Variants in PITPNB observed in about 807,000 individuals in gnomAD.
PITPNB encodes phosphatidylinositol transfer protein beta isoform.
A neutral mutation model predicts 45.9 loss-of-function variants in PITPNB; 16 were observed. That is an observed-to-expected ratio of 0.35 (90% CI 0.24 to 0.53). The LOEUF (loss-of-function observed/expected upper bound fraction) is 0.53. Ranked by LOEUF, PITPNB falls within the 20% of genes least tolerant of loss-of-function variation. PITPNB has a pLI of 0.93. For synonymous variants in PITPNB, 112 were observed against 108.9 expected (o/e 1.03, Z -0.18); for missense variants, 188 against 330.5 (o/e 0.57, Z 3.34).
intron 8 of PITPNB, among the ~76,000 whole-genome samples, chr22:27,868,924 T>C (rs1038840529): frequency 1.3e-5 from 2 of 152,084 alleles, no homozygotes; most frequent in Non-Finnish European, 2.9e-5. Flanking sequence ...CTTCAAGAGG[T>C]GTCTGGCTTA....
chr22:27,913,009 G>C (rs960334839), intron 2 of PITPNB, among the ~76,000 whole-genome samples: 17 of 150,484 alleles, frequency 1.1e-4, no homozygotes, highest in East Asian at 3.9e-4. Context: ...AAAAAGGTGG[G>C]GGGGGGAGTA....
At chr22:27,897,257 A>G in intron 4 of PITPNB, 120 bp from the exon 5 acceptor site, 2 of 771,454 alleles carry the variant, frequency 2.6e-6, no homozygotes, top group Non-Finnish European at 4.7e-6. Flanking sequence ...AAAACAGAAC[A>G]TTTATTTAGT....
chr22:27,909,207 C>CTTTTTTTTTTTTTTTTTTTTTTT (rs34224616), intron 3 of PITPNB, among the ~76,000 whole-genome samples: 60 of 82,242 alleles, frequency 7.3e-4, no homozygotes, highest in Middle Eastern at 7.6e-3. Flanking sequence ...ACTGGTAGTA[C>CTTTTTTTTTTTTTTTTTTTTTTT]TTTTTTTTTT....
chr22:27,902,249 G>A (rs1165138453), intron 3 of PITPNB, among the ~76,000 whole-genome samples: 3 of 152,070 alleles, frequency 2.0e-5, no homozygotes, highest in Non-Finnish European at 4.4e-5. Flanking sequence ...AGAGGGAACA[G>A]CATGACTACA....
At chr22:27,894,387 T>G (rs1050694742) in intron 7 of PITPNB, 168 bp downstream of exon 7, 1 of 511,946 alleles carries the variant, frequency 2.0e-6, no homozygotes. Flanking sequence ...CTGGTCTCTT[T>G]GCTGCACAGA....
chr22:27,855,377 AAAGGAGGGAGAATGAAAGGGAGAAAAGGC>A (rs1450328295), intron 10 of PITPNB, among the ~76,000 whole-genome samples: 24 of 152,048 alleles, frequency 1.6e-4, no homozygotes, highest in Non-Finnish European at 2.5e-4. Flanking sequence ...AAGTTTACTG[AAAGGAGGGAGAATGAAAGGGAGAAAAGGC>A]AAGGAGGGAG....
In PITPNB at chr22:27,858,494, A is replaced by G; in HGVS notation, c.661T>C (p.Phe221Leu). 1.9e-6 allele frequency: 3 copies of G among 1,610,600 alleles called. No homozygotes were observed. Among genetic ancestry groups the G allele is most frequent in the Non-Finnish European group, 2.5e-6 (3 of 1,178,888 alleles). The change falls in exon 10 of 12, where the codon TTT (phenylalanine) becomes CTT (leucine). Residue 221 changes from phenylalanine (F) to leucine (L), a missense_variant. By Grantham distance (22) the Phe-to-Leu change is conservative. Coordinates refer to ENST00000335272, the MANE Select transcript of PITPNB (RefSeq NM_012399.5). ...AAAAGCTGGCGATGGAAGTTTGTAA[A>G]TATCCGTTTTTCTTGCTTTTAAAAC... Reference protein sequence around the residue: ...NFIQKQEKRIFTNFHRQLFCW... With the variant: ...NFIQKQEKRILTNFHRQLFCW...
intron 2 of PITPNB, among the ~76,000 whole-genome samples, chr22:27,912,911 A>C (rs1935970056): frequency 7.4e-6 from 1 of 134,720 alleles, no homozygotes; most frequent in Non-Finnish European, 1.5e-5. Context: ...TGAACCCAGG[A>C]GGCGGAGGTT....
At chr22:27,904,322 G>A (rs1935695908) in intron 3 of PITPNB, among the ~76,000 whole-genome samples, 1 of 152,230 alleles carries the variant, frequency 6.6e-6, no homozygotes, top group Non-Finnish European at 1.5e-5. Context: ...AGTGATACAT[G>A]CTTTAACACA....
intron 7 of PITPNB, 110 bp from the exon 8 acceptor site, chr22:27,873,925 A>G (rs1934743581): frequency 1.4e-6 from 1 of 704,810 alleles, no homozygotes; most frequent in Non-Finnish European, 2.6e-6. Flanking sequence ...AATCAATTAG[A>G]CTCACTGTGC....
At chr22:27,917,410 T>A (rs1356935570) in intron 1 of PITPNB, among the ~76,000 whole-genome samples, 2 of 152,218 alleles carry the variant, frequency 1.3e-5, no homozygotes, top group South Asian at 4.1e-4. Flanking sequence ...TTGGTCCAAG[T>A]CAATTTCCTT....
chr22:27,907,471 CCT>C (rs879874675), intron 3 of PITPNB, among the ~76,000 whole-genome samples: 1 of 152,122 alleles, frequency 6.6e-6, no homozygotes, highest in Non-Finnish European at 1.5e-5. Context: ...GCAAATGGGC[CCT>C]GTTTTGCCCA....
chr22:27,876,646 TTTTC>T, intron 7 of PITPNB, among the ~76,000 whole-genome samples: 1 of 152,340 alleles, frequency 6.6e-6, no homozygotes, highest in South Asian at 2.1e-4. Flanking sequence ...TTGAACAGTA[TTTTC>T]TTTGCTACAT....
chr22:27,917,213 A>T (rs1195316814), intron 1 of PITPNB, among the ~76,000 whole-genome samples: 2 of 152,266 alleles, frequency 1.3e-5, no homozygotes, highest in South Asian at 2.1e-4. Context: ...GTTTGCAAAA[A>T]GCACAGTGCG....
rs114418758 is a variant in PITPNB at position 27,868,887 on chromosome 22, T to A, written c.534+4851A>T. On this transcript the variant is annotated intron_variant, in intron 8 of 11. Transcript: ENST00000335272. ...TTAGAGGCCTAATTATTAACTATCA[T>A]GTATTTGTAGACACAGAAGCTTAAA... Among the ~76,000 whole-genome samples, 338 of 152,276 alleles carry A rather than the reference T, an allele frequency of 2.2e-3. 3 individuals carry two copies. The highest frequency in any genetic ancestry group is 7.9e-3 in the African/African-American group (329 of 41,558).
chr22:27,894,482 C>A, intron 7 of PITPNB, 73 bp downstream of exon 7: 3 of 841,542 alleles, frequency 3.6e-6, no homozygotes, highest in South Asian at 1.4e-5. Context: ...TTAACTTAAT[C>A]CCAAATGTGA....
At chr22:27,897,185 A>G (rs1935460082) in intron 4 of PITPNB, 48 bp from the exon 5 acceptor site, 1 of 1,321,462 alleles carries the variant, frequency 7.6e-7, no homozygotes, top group Non-Finnish European at 1.1e-6. Flanking sequence ...AAATTTCAGA[A>G]TATTAATTGG....
chr22:27,867,024 T>A (rs2146357662), intron 8 of PITPNB, among the ~76,000 whole-genome samples: 1 of 152,336 alleles, frequency 6.6e-6, no homozygotes, highest in African/African-American at 2.4e-5. Context: ...TAACCATTTA[T>A]TTTAGTAGCC....
Position 27,900,564 on chromosome 22 carries a change from C to CT in PITPNB, c.198-2673dup, listed in dbSNP as rs762760776. ...ATCTATAAGCTAGATTTCAAATTTA[C>CT]TTTTTTTTTATGTTTAACGTGAGAA... On this transcript the variant is annotated intron_variant, in intron 3 of 11. Coordinates refer to ENST00000335272, the MANE Select transcript of PITPNB (RefSeq NM_012399.5). Among the ~76,000 whole-genome samples, 21 of 151,518 alleles carry CT rather than the reference C, an allele frequency of 1.4e-4. No homozygotes were observed. In the East Asian group the frequency reaches 1.7e-3, roughly 13 times the overall value.
Sources: allele counts gnomAD v4.1 joint callset (sites outside exome capture counted in the v4.1 genomes callset), GRCh38; gene constraint gnomAD v4.1.1; transcripts MANE v1.5; gene names NCBI Gene and HGNC (gene_info 2026-07-23, HGNC 2026-07-21).